BNC2: variants seen among roughly 807,000 people sequenced by gnomAD.
The protein encoded by BNC2 is basonuclin zinc finger protein 2.
In BNC2, 20 loss-of-function variants were observed where a neutral mutation model predicts 76.3. The observed-to-expected ratio is 0.26, with a 90% CI of 0.18 to 0.38. The LOEUF is 0.38. Ranked by LOEUF, BNC2 falls within the 10% of genes least tolerant of loss-of-function variation. The pLI, the probability that BNC2 is intolerant of heterozygous loss-of-function variation, is 1.00. For missense variants in BNC2, 1,382 were observed against 1,399.8 expected (o/e 0.99, Z 0.20); for synonymous variants, 582 against 514.8 (o/e 1.13, Z -1.77).
At chr9:16,577,585 T>G in intron 4 of BNC2, among the ~76,000 whole-genome samples, 1 of 152,170 alleles carries the variant, frequency 6.6e-6, no homozygotes, top group South Asian at 2.1e-4. Flanking sequence ...CCAGGTCTGC[T>G]TACTTTACAT....
At chr9:16,539,315 T>A (rs186911891) in intron 5 of BNC2, among the ~76,000 whole-genome samples, 188 of 151,444 alleles carry the variant, frequency 1.2e-3, no homozygotes, top group African/African-American at 4.4e-3. Context: ...AGGTCAGGAG[T>A]TTGAGACCAG....
chr9:16,813,168 A>G (rs1004038185), intron 1 of BNC2, among the ~76,000 whole-genome samples: 10 of 152,104 alleles, frequency 6.6e-5, no homozygotes, highest in African/African-American at 2.4e-4. Context: ...ACTGCACTCC[A>G]GCCTCGGACA....
chr9:16,644,754 C>G (rs1821578839), intron 3 of BNC2, among the ~76,000 whole-genome samples: 1 of 152,190 alleles, frequency 6.6e-6, no homozygotes, highest in Admixed American at 6.5e-5. Context: ...CATTGCACAG[C>G]CAGCCCAGCA....
intron 5 of BNC2, among the ~76,000 whole-genome samples, chr9:16,438,272 T>G (rs1483491993): frequency 6.6e-6 from 1 of 152,228 alleles, no homozygotes; most frequent in African/African-American, 2.4e-5. Flanking sequence ...ATTTGACTTT[T>G]TATGATCTTG....
At chr9:16,818,585 T>C (rs12006521) in intron 1 of BNC2, among the ~76,000 whole-genome samples, 1,737 of 152,246 alleles carry the variant, frequency 0.011, 36 homozygotes, top group African/African-American at 0.04. Context: ...TGATGGCCAT[T>C]ATTATGGTGA....
intron 5 of BNC2, among the ~76,000 whole-genome samples, chr9:16,456,702 G>A (rs773742452): frequency 7.9e-5 from 12 of 152,104 alleles, no homozygotes; most frequent in Non-Finnish European, 1.8e-4. Context: ...TGATAAGGAA[G>A]CAACTAAAGA....
At position 16,638,408 on chromosome 9, in the gene BNC2, G is replaced by A. The variant is rs950196385; in HGVS notation, c.331-55323C>T. ...ATTACTGGATAAAACAGAAAACTTG[G>A]ATAAAAATAATTTTATATTTTTTAA... On this transcript the variant is annotated intron_variant, in intron 3 of 6. Coordinates refer to ENST00000380672, the MANE Select transcript of BNC2 (RefSeq NM_017637.6). Among the ~76,000 whole-genome samples the A allele has an allele frequency of 2.6e-5, 4 of 151,974 alleles. No individual in the cohort carries two copies. The East Asian group carries it at 7.7e-4, about 29-fold the overall frequency.
chr9:16,813,379 C>T (rs2135873878), intron 1 of BNC2, among the ~76,000 whole-genome samples: 1 of 151,770 alleles, frequency 6.6e-6, no homozygotes, highest in African/African-American at 2.4e-5. Flanking sequence ...CATTCTCCTG[C>T]CTCAGCCTCC....
At chr9:16,491,000 ATAT>A (rs1822267251) in intron 5 of BNC2, among the ~76,000 whole-genome samples, 2 of 152,198 alleles carry the variant, frequency 1.3e-5, no homozygotes, top group Non-Finnish European at 2.9e-5. Flanking sequence ...ACATGGCTCC[ATAT>A]GAGCAGAGGT....
intron 1 of BNC2, among the ~76,000 whole-genome samples, chr9:16,865,118 G>A (rs1351596070): frequency 1.3e-5 from 2 of 150,820 alleles, no homozygotes. Flanking sequence ...AGAGAAAAAT[G>A]TTTTGTGTAG....
Position 16,418,878 on chromosome 9 carries a change from C to CACACACAT in BNC2, c.*110_*111insATGTGTGT, listed in dbSNP as rs1820647466. ...GCCACAGAGCATACATAAATGCACA[C>CACACACAT]ACACACACACACACACACACACCCC... On this transcript the variant is annotated 3_prime_UTR_variant, in exon 7 of 7. Coordinates refer to ENST00000380672, the MANE Select transcript of BNC2 (RefSeq NM_017637.6). 2 of 1,163,906 alleles carry CACACACAT rather than the reference C, an allele frequency of 1.7e-6. No individual in the cohort carries two copies. Among genetic ancestry groups the CACACACAT allele is most frequent in the South Asian group, 2.5e-5 (2 of 79,314 alleles). 72.1% of individuals were successfully genotyped at this position (1,163,906 alleles called of 1,614,324 possible). A position where few individuals can be genotyped will look rare whatever the true frequency, so the allele number is the denominator to read the frequency against.
At chr9:16,765,077 C>T (rs137972213) in intron 1 of BNC2, among the ~76,000 whole-genome samples, 32 of 152,256 alleles carry the variant, frequency 2.1e-4, no homozygotes, top group Non-Finnish European at 4.1e-4. Context: ...TAGAGTCAGA[C>T]AAGGGATGAA....
At chr9:16,567,746 C>T (rs1819208941) in intron 4 of BNC2, among the ~76,000 whole-genome samples, 1 of 152,120 alleles carries the variant, frequency 6.6e-6, no homozygotes, top group Non-Finnish European at 1.5e-5. Context: ...ATTCAAGTGA[C>T]TCAGTTGGTT....
chr9:16,778,842 G>A (rs1042728826), intron 1 of BNC2, among the ~76,000 whole-genome samples: 1 of 152,174 alleles, frequency 6.6e-6, no homozygotes, highest in African/African-American at 2.4e-5. Flanking sequence ...GGAGGGCAGA[G>A]GAAGGGGAAA....
At chr9:16,793,996 C>A (rs1331485924) in intron 1 of BNC2, among the ~76,000 whole-genome samples, 1 of 151,776 alleles carries the variant, frequency 6.6e-6, no homozygotes, top group African/African-American at 2.4e-5. Flanking sequence ...GCCACCGCGC[C>A]GGGCCTTGCC....
At chr9:16,738,558 C>CTT in intron 1 of BNC2, 73 bp from the exon 2 acceptor site, 1 of 1,553,370 alleles carries the variant, frequency 6.4e-7, no homozygotes, top group Non-Finnish European at 8.8e-7. Context: ...TACATCAAAA[C>CTT]TTTAAGAAAT....
chr9:16,484,893 G>C (rs554997942), intron 5 of BNC2, among the ~76,000 whole-genome samples: 1 of 152,164 alleles, frequency 6.6e-6, no homozygotes, highest in Non-Finnish European at 1.5e-5. Flanking sequence ...ATTACTAATA[G>C]GCATTGTTTT....
At chr9:16,816,053 T>A (rs1818173898) in intron 1 of BNC2, among the ~76,000 whole-genome samples, 1 of 152,174 alleles carries the variant, frequency 6.6e-6, no homozygotes, top group African/African-American at 2.4e-5. Context: ...TTTTTCATGT[T>A]TAATTAAAAA....
At chr9:16,790,619 TCA>T (rs1206695214) in intron 1 of BNC2, among the ~76,000 whole-genome samples, 1 of 152,202 alleles carries the variant, frequency 6.6e-6, no homozygotes, top group African/African-American at 2.4e-5. Context: ...CTTTGTGTTT[TCA>T]CAGTTATACA....
Sources: gnomAD v4.1 joint callset for allele counts (sites outside exome capture counted in the v4.1 genomes callset) on GRCh38, gnomAD v4.1.1 for gene constraint, MANE v1.5 for transcripts, NCBI Gene and HGNC (gene_info 2026-07-23, HGNC 2026-07-21) for gene names.